The following SGPP2 variants were observed in gnomAD, a reference collection of about 807,000 sequenced individuals.
The protein encoded by SGPP2 is sphingosine-1-phosphate phosphatase 2, also known as sphingosine 1-phosphate phosphohydrolase 2.
Under a neutral mutation model 33.9 loss-of-function variants are expected in SGPP2, and 30 were observed. The observed-to-expected ratio is 0.89, with a 90% CI of 0.66 to 1.20. The LOEUF (loss-of-function observed/expected upper bound fraction) is 1.20. Ranked by LOEUF, SGPP2 falls within the 50% of genes most tolerant of loss-of-function variation. SGPP2 has a pLI of 0.00. For missense variants in SGPP2, 458 were observed against 532.1 expected (o/e 0.86, Z 1.37); for synonymous variants, 233 against 225.0 (o/e 1.04, Z -0.32).
Position 222,558,380 on chromosome 2 carries a change from C to A in SGPP2, c.682C>A (p.Leu228Ile), listed in dbSNP as rs1287367192. The A allele has an allele frequency of 6.2e-7, 1 of 1,614,092 alleles. No individual in the cohort carries two copies. The highest frequency in any genetic ancestry group is 8.5e-7 in the Non-Finnish European group (1 of 1,180,052). ...VLGGVLITAL[L>I]IVLTYPAWTF... ...GGGTGGCGTCCTGATCACCGCACTC[C>A]TCATCGTCCTCACCTACCCTGCCTG... The change falls in exon 5 of 5, where the codon CTC (leucine) becomes ATC (isoleucine). Residue 228 changes from leucine (L) to isoleucine (I), a missense_variant. Leu to Ile is a conservative substitution (Grantham distance 5). Transcript: ENST00000321276.
intron 1 of SGPP2, among the ~76,000 whole-genome samples, chr2:222,445,782 T>G (rs1242813260): frequency 6.6e-6 from 1 of 152,186 alleles, no homozygotes; most frequent in East Asian, 1.9e-4. Context: ...GGCTTAGATG[T>G]CCTCTCCTCT....
chr2:222,439,894 T>A (rs1697298847), intron 1 of SGPP2, among the ~76,000 whole-genome samples: 1 of 152,196 alleles, frequency 6.6e-6, no homozygotes, highest in Non-Finnish European at 1.5e-5. Context: ...GCTCTACACA[T>A]GTGCCAAGGT....
At position 222,494,561 on chromosome 2, in the gene SGPP2, T is replaced by C. The variant is rs150823201; in HGVS notation, c.378+19835T>C. On this transcript the variant is annotated intron_variant, in intron 2 of 4. Coordinates refer to ENST00000321276, the MANE Select transcript of SGPP2 (RefSeq NM_152386.4). Reference sequence around the variant, plus strand: ...CTTGTGTCTTCACTGAATAGCTATGTGTTCACATGAGACATGCCGAGGGCG... The same window carrying C: ...CTTGTGTCTTCACTGAATAGCTATGCGTTCACATGAGACATGCCGAGGGCG... 3.3e-3 allele frequency among the ~76,000 whole-genome samples: 497 copies of C among 152,360 alleles called. 3 individuals carry two copies. Among genetic ancestry groups the C allele is most frequent in the Non-Finnish European group, 3.2e-3 (220 of 68,034 alleles).
At chr2:222,457,695 G>T (rs1697592981) in intron 1 of SGPP2, among the ~76,000 whole-genome samples, 1 of 152,190 alleles carries the variant, frequency 6.6e-6, no homozygotes, top group African/African-American at 2.4e-5. Context: ...CCTGTCTACT[G>T]TCTAGGACTA....
intron 2 of SGPP2, among the ~76,000 whole-genome samples, chr2:222,503,452 G>A (rs1245035773): frequency 6.6e-6 from 1 of 152,116 alleles, no homozygotes; most frequent in African/African-American, 2.4e-5. Context: ...CCACCTTCAA[G>A]GGACATGTGA....
intron 1 of SGPP2, among the ~76,000 whole-genome samples, chr2:222,441,317 A>T (rs1697322194): frequency 6.6e-6 from 1 of 152,248 alleles, no homozygotes; most frequent in Non-Finnish European, 1.5e-5. Flanking sequence ...ATCATCAGAA[A>T]GTATTTGTCA....
upstream of SGPP2, chr2:222,424,484 C>G (rs1278127896): frequency 4.6e-6 from 3 of 645,348 alleles, no homozygotes; most frequent in Admixed American, 1.6e-4. Context: ...CCCGGGGCCC[C>G]GCCCGCCCGG....
At chr2:222,475,430 A>T (rs1559154527) in intron 2 of SGPP2, among the ~76,000 whole-genome samples, 1 of 152,164 alleles carries the variant, frequency 6.6e-6, no homozygotes, top group African/African-American at 2.4e-5. Flanking sequence ...CTTTCTAAGG[A>T]CCCATAGAGT....
chr2:222,521,981 C>T (rs370833935), intron 3 of SGPP2, 35 bp downstream of exon 3: 7 of 1,469,280 alleles, frequency 4.8e-6, no homozygotes, highest in Non-Finnish European at 6.3e-6. Flanking sequence ...TACCCACCTA[C>T]TGAGGCAGCA....
At chr2:222,528,966 T>G (rs1264897669) in intron 4 of SGPP2, among the ~76,000 whole-genome samples, 2 of 152,202 alleles carry the variant, frequency 1.3e-5, no homozygotes, top group Non-Finnish European at 2.9e-5. Context: ...ACTCTTCCTT[T>G]TAGGAAAGAT....
At chr2:222,557,929 G>A (rs1235052070) in intron 4 of SGPP2, among the ~76,000 whole-genome samples, 2 of 152,248 alleles carry the variant, frequency 1.3e-5, no homozygotes, top group East Asian at 1.9e-4. Context: ...CCCCAGAAGC[G>A]AGCTTCCTCC....
chr2:222,452,660 C>T, intron 1 of SGPP2: 2 of 1,386,734 alleles, frequency 1.4e-6, no homozygotes, highest in South Asian at 1.2e-5. Context: ...AGTAGTTGCT[C>T]CAGGACTGGA....
At chr2:222,517,810 A>G (rs1347839295) in intron 2 of SGPP2, among the ~76,000 whole-genome samples, 1 of 152,216 alleles carries the variant, frequency 6.6e-6, no homozygotes, top group African/African-American at 2.4e-5. Flanking sequence ...GCAGCCAAAC[A>G]GACGAGCCAC....
chr2:222,542,061 C>T (rs1236967688), intron 4 of SGPP2, among the ~76,000 whole-genome samples: 1 of 152,138 alleles, frequency 6.6e-6, no homozygotes. Flanking sequence ...TTATCAGTAC[C>T]TCAGAAGTTC....
At chr2:222,553,490 A>G (rs1288645930) in intron 4 of SGPP2, among the ~76,000 whole-genome samples, 1 of 152,188 alleles carries the variant, frequency 6.6e-6, no homozygotes, top group East Asian at 1.9e-4. Context: ...CGAGTTTTCT[A>G]TTTAGACTCA....
At chr2:222,434,984 ACACACAC>A (rs1697213785) in intron 1 of SGPP2, among the ~76,000 whole-genome samples, 1 of 11,510 alleles carries the variant, frequency 8.7e-5, no homozygotes, top group Non-Finnish European at 2.1e-4. Context: ...ATACACACAC[ACACACAC>A]ACACACACAC....
chr2:222,482,066 T>A (rs2106103170), intron 2 of SGPP2, among the ~76,000 whole-genome samples: 1 of 152,284 alleles, frequency 6.6e-6, no homozygotes, highest in South Asian at 2.1e-4. Flanking sequence ...GGAGTACCTG[T>A]GTGAGAAGAG....
chr2:222,528,574 C>G (rs964762439), intron 4 of SGPP2, among the ~76,000 whole-genome samples: 1 of 152,048 alleles, frequency 6.6e-6, no homozygotes, highest in South Asian at 2.1e-4. Flanking sequence ...CTGCTGACTG[C>G]GTAGGGTGGT....
chr2:222,498,661 C>T (rs184759962), intron 2 of SGPP2, among the ~76,000 whole-genome samples: 1 of 152,014 alleles, frequency 6.6e-6, no homozygotes, highest in East Asian at 1.9e-4. Context: ...GGCAGAGCAT[C>T]CACTCAGAGT....
Sources: allele counts gnomAD v4.1 joint callset (sites outside exome capture counted in the v4.1 genomes callset), GRCh38; gene constraint gnomAD v4.1.1; transcripts MANE v1.5; gene names NCBI Gene and HGNC (gene_info 2026-07-23, HGNC 2026-07-21).